Variants in NRXN1 observed in about 807,000 individuals in gnomAD.
The protein encoded by NRXN1 is neurexin 1, also known as neurexin-1.
A neutral mutation model predicts 150.9 loss-of-function variants in NRXN1; 39 were observed. The observed-to-expected ratio is 0.26, with a 90% CI of 0.20 to 0.34. NRXN1 has a LOEUF of 0.34. Ranked by LOEUF, NRXN1 falls within the 10% of genes least tolerant of loss-of-function variation. The pLI is 1.00. For synonymous variants in NRXN1, 924 were observed against 757.0 expected, an observed-to-expected ratio of 1.22 and a Z score of -3.62; for missense variants, 1,815 against 1,949.9, an observed-to-expected ratio of 0.93 and a Z score of 1.30.
At chr2:50,929,566 C>T (rs1687426894) in intron 2 of NRXN1, among the ~76,000 whole-genome samples, 1 of 152,036 alleles carries the variant, frequency 6.6e-6, no homozygotes, top group Admixed American at 6.6e-5. Context: ...AAAACTGCCA[C>T]TACTGCGAGT....
At chr2:50,653,534 A>G (rs1326843782) in intron 5 of NRXN1, among the ~76,000 whole-genome samples, 1 of 152,084 alleles carries the variant, frequency 6.6e-6, no homozygotes, top group Non-Finnish European at 1.5e-5. Flanking sequence ...AGAAACTTTT[A>G]GGCAACTCTT....
chr2:49,983,429 A>G (rs1680330537), intron 21 of NRXN1, among the ~76,000 whole-genome samples: 1 of 152,120 alleles, frequency 6.6e-6, no homozygotes, highest in Non-Finnish European at 1.5e-5. Flanking sequence ...TTTATAGGTC[A>G]TTTAGTACTA....
At chr2:50,989,335 T>A (rs899010625) in intron 2 of NRXN1, among the ~76,000 whole-genome samples, 1 of 152,022 alleles carries the variant, frequency 6.6e-6, no homozygotes, top group African/African-American at 2.4e-5. Flanking sequence ...TTATGAGATA[T>A]AATTTACATA....
chr2:50,394,698 T>A (rs565122835), intron 17 of NRXN1, among the ~76,000 whole-genome samples: 6 of 152,124 alleles, frequency 3.9e-5, no homozygotes, highest in South Asian at 4.1e-4. Flanking sequence ...TATCTTTTTT[T>A]AAAAAATAAA....
chr2:50,772,588 C>T (rs1434037034), intron 5 of NRXN1, among the ~76,000 whole-genome samples: 2 of 151,600 alleles, frequency 1.3e-5, no homozygotes. Flanking sequence ...TATATAAATG[C>T]TTGTGTTTTC....
chr2:50,754,700 C>T (rs925429851), intron 5 of NRXN1, among the ~76,000 whole-genome samples: 5 of 151,830 alleles, frequency 3.3e-5, no homozygotes, highest in South Asian at 2.1e-4. Flanking sequence ...TGAAAACCTT[C>T]GCCAGTAAAT....
At chr2:50,548,282 C>G (rs1307592376) in intron 9 of NRXN1, 1 of 152,136 alleles carries the variant, frequency 6.6e-6, no homozygotes, top group Non-Finnish European at 1.5e-5. Context: ...CTCATAAAAA[C>G]TTGTCATTTT....
At chr2:50,098,572 T>C (rs1217216036) in intron 18 of NRXN1, among the ~76,000 whole-genome samples, 1 of 152,152 alleles carries the variant, frequency 6.6e-6, no homozygotes, top group Non-Finnish European at 1.5e-5. Flanking sequence ...CTCTATACAA[T>C]GTATCTCATC....
At chr2:50,939,107 AG>A (rs775610853) in intron 2 of NRXN1, among the ~76,000 whole-genome samples, 1 of 147,090 alleles carries the variant, frequency 6.8e-6, no homozygotes, top group Non-Finnish European at 1.5e-5. Context: ...GCTACCTGGG[AG>A]GCTGAGGCAG....
chr2:50,899,337 A>G (rs1682546572), intron 5 of NRXN1, among the ~76,000 whole-genome samples: 1 of 152,206 alleles, frequency 6.6e-6, no homozygotes, highest in African/African-American at 2.4e-5. Flanking sequence ...GAAGGCTTGG[A>G]ACATTAAATG....
chr2:50,686,714 G>A (rs950427121), intron 5 of NRXN1, among the ~76,000 whole-genome samples: 1 of 152,158 alleles, frequency 6.6e-6, no homozygotes, highest in Non-Finnish European at 1.5e-5. Context: ...TATCTCCAGG[G>A]AAAGTACAAT....
intron 2 of NRXN1, among the ~76,000 whole-genome samples, chr2:50,976,805 G>T (rs1375385988): frequency 6.6e-6 from 1 of 151,826 alleles, no homozygotes; most frequent in Non-Finnish European, 1.5e-5. Context: ...AAAAATCATC[G>T]ATTAAATAAC....
intron 8 of NRXN1, among the ~76,000 whole-genome samples, chr2:50,613,795 G>C (rs1038523524): frequency 6.6e-6 from 1 of 151,990 alleles, no homozygotes; most frequent in African/African-American, 2.4e-5. Context: ...AAAATTACCC[G>C]GGCATGGTGA....
chr2:50,039,235 G>A (rs1213222611), intron 21 of NRXN1, among the ~76,000 whole-genome samples: 2 of 151,974 alleles, frequency 1.3e-5, no homozygotes, highest in Non-Finnish European at 2.9e-5. Flanking sequence ...GGAGGCTGAG[G>A]AGGGTAGATC....
intron 8 of NRXN1, chr2:50,589,225 T>TCAGG (rs1233703866): frequency 2.6e-5 from 4 of 152,388 alleles, no homozygotes; most frequent in Middle Eastern, 3.1e-3. Context: ...TTAGGACGGA[T>TCAGG]CAGACAAAGA....
chr2:50,819,458 T>A (rs992399922), intron 5 of NRXN1, among the ~76,000 whole-genome samples: 1 of 152,058 alleles, frequency 6.6e-6, no homozygotes, highest in Non-Finnish European at 1.5e-5. Context: ...TCCACTTCTA[T>A]GAGGTACCTA....
At chr2:50,082,278 T>C (rs1451539625) in intron 19 of NRXN1, among the ~76,000 whole-genome samples, 2 of 152,222 alleles carry the variant, frequency 1.3e-5, no homozygotes, top group Admixed American at 6.5e-5. Flanking sequence ...GCCACACTTA[T>C]TTAAAATCAT....
intron 2 of NRXN1, among the ~76,000 whole-genome samples, chr2:50,985,032 G>T (rs1462648761): frequency 1.3e-5 from 2 of 151,916 alleles, no homozygotes; most frequent in Non-Finnish European, 2.9e-5. Context: ...TCCATGAAAA[G>T]ACAGAATATA....
chr2:50,897,850 A>G (rs1682250783), intron 5 of NRXN1, among the ~76,000 whole-genome samples: 1 of 152,216 alleles, frequency 6.6e-6, no homozygotes, highest in Non-Finnish European at 1.5e-5. Context: ...AGTGTAAACA[A>G]TTGTCAAAAT....
Sources: gnomAD v4.1 joint callset for allele counts (sites outside exome capture counted in the v4.1 genomes callset) on GRCh38, gnomAD v4.1.1 for gene constraint, MANE v1.5 for transcripts, NCBI Gene and HGNC (gene_info 2026-07-23, HGNC 2026-07-21) for gene names.